Variants in ANO1 observed in about 807,000 individuals in gnomAD.
ANO1 encodes anoctamin-1.
A neutral mutation model predicts 124.0 loss-of-function variants in ANO1; 59 were observed. That is an observed-to-expected ratio of 0.48 (90% CI 0.39 to 0.59). The LOEUF (loss-of-function observed/expected upper bound fraction) is 0.59, where lower values mean the gene tolerates loss of function less well. Among genes scored for constraint, ANO1 ranks in the 20% least tolerant of loss-of-function variants. ANO1 has a pLI of 0.00. For missense variants in ANO1, 1,059 were observed against 1,328.0 expected (o/e 0.80, Z 3.15); for synonymous variants, 529 against 532.0 (o/e 0.99, Z 0.08).
At chr11:70,075,925 G>C (rs1421143226), upstream of ANO1, among the ~76,000 whole-genome samples, 1 of 152,182 alleles carries the variant, frequency 6.6e-6, no homozygotes, top group African/African-American at 2.4e-5. Flanking sequence ...TCCTATTTTG[G>C]GGGGCTATTG....
At chr11:70,130,318 T>C (rs2509172) in intron 10 of ANO1, among the ~76,000 whole-genome samples, 62,575 of 152,094 alleles carry the variant, frequency 0.41, 13,771 homozygotes, top group East Asian at 0.57. Context: ...ACGGAGGGTA[T>C]GAGTAGTCAG....
At chr11:70,159,240 G>T (rs1295735718) in intron 16 of ANO1, among the ~76,000 whole-genome samples, 1 of 152,166 alleles carries the variant, frequency 6.6e-6, no homozygotes, top group Non-Finnish European at 1.5e-5. Context: ...GGGGAAGGGT[G>T]GGGGAAGAGA....
upstream of ANO1, among the ~76,000 whole-genome samples, chr11:69,982,056 C>G (rs564814105): frequency 6.6e-6 from 1 of 152,238 alleles, no homozygotes; most frequent in African/African-American, 2.4e-5. Flanking sequence ...TGACTGCTAG[C>G]GGGTTCGAGC....
At chr11:70,148,029 T>A (rs1211519014) in intron 11 of ANO1, among the ~76,000 whole-genome samples, 1 of 152,148 alleles carries the variant, frequency 6.6e-6, no homozygotes, top group Non-Finnish European at 1.5e-5. Context: ...AACCCGTGCA[T>A]CCTTGGAAGC....
chr11:70,185,381 A>G (rs796570019), intron 24 of ANO1, among the ~76,000 whole-genome samples: 6 of 152,244 alleles, frequency 3.9e-5, no homozygotes, highest in African/African-American at 1.4e-4. Flanking sequence ...TGCCTGGCCC[A>G]TGGGGGATCC....
intron 1 of ANO1, among the ~76,000 whole-genome samples, chr11:70,005,088 G>A (rs1856461821): frequency 6.9e-6 from 1 of 145,044 alleles, no homozygotes; most frequent in African/African-American, 2.6e-5. Flanking sequence ...ACTCCAGCCT[G>A]GGTGACAGAG....
At chr11:70,102,357 T>G (rs2045311367) in intron 2 of ANO1, among the ~76,000 whole-genome samples, 1 of 152,170 alleles carries the variant, frequency 6.6e-6, no homozygotes, top group Non-Finnish European at 1.5e-5. Context: ...TGGTGCCGCA[T>G]CCTCGCCAGC....
chr11:70,151,945 A>C (rs2135643097), intron 12 of ANO1, among the ~76,000 whole-genome samples: 1 of 152,318 alleles, frequency 6.6e-6, no homozygotes, highest in African/African-American at 2.4e-5. Context: ...CACAGTCCAC[A>C]GTCACCCTCA....
chr11:70,003,054 A>G (rs1554999600), intron 1 of ANO1, among the ~76,000 whole-genome samples: 1 of 152,228 alleles, frequency 6.6e-6, no homozygotes, highest in African/African-American at 2.4e-5. Context: ...ACAACACCGT[A>G]AACAAAATAG....
intron 1 of ANO1, among the ~76,000 whole-genome samples, chr11:70,007,947 G>A (rs76592720): frequency 1.4e-3 from 218 of 152,216 alleles, no homozygotes; most frequent in African/African-American, 4.9e-3. Flanking sequence ...TTTAATAGCG[G>A]CCATCCCAGT....
chr11:70,055,862 C>T (rs1277934254), intron 1 of ANO1, among the ~76,000 whole-genome samples: 1 of 151,998 alleles, frequency 6.6e-6, no homozygotes. Flanking sequence ...ACTAGAATTG[C>T]CACATGCATC....
At chr11:70,115,709 G>A (rs1038399757) in intron 7 of ANO1, among the ~76,000 whole-genome samples, 1 of 152,174 alleles carries the variant, frequency 6.6e-6, no homozygotes, top group Admixed American at 6.5e-5. Flanking sequence ...CTCCCTTGCT[G>A]CTCCTCCCCA....
At chr11:70,105,628 C>A in intron 4 of ANO1, 106 bp from the exon 5 acceptor site, 1 of 1,064,234 alleles carries the variant, frequency 9.4e-7, no homozygotes, top group South Asian at 1.3e-5. Context: ...CTGTCCATTT[C>A]ACGGTCACGG....
chr11:70,085,683 C>T (rs2044346269), intron 1 of ANO1: 1 of 1,466,134 alleles, frequency 6.8e-7, no homozygotes, highest in African/African-American at 1.4e-5. Flanking sequence ...GGGGCAGCCC[C>T]CAACCAGCAG....
chr11:70,170,857 G>T (rs1217927231), intron 21 of ANO1, 30 bp from the exon 22 acceptor site: 4 of 1,608,074 alleles, frequency 2.5e-6, no homozygotes, highest in South Asian at 2.2e-5. Flanking sequence ...GGCTCACGGG[G>T]TGCTGACTAG....
At chr11:70,114,218 G>A (rs1347596961) in intron 7 of ANO1, among the ~76,000 whole-genome samples, 10 of 152,202 alleles carry the variant, frequency 6.6e-5, no homozygotes, top group African/African-American at 2.4e-4. Context: ...CAGACCACTT[G>A]CCCAGGGGCG....
intron 21 of ANO1, 52 bp from the exon 22 acceptor site, chr11:70,170,835 C>A: frequency 6.4e-7 from 1 of 1,570,868 alleles, no homozygotes; most frequent in Non-Finnish European, 8.7e-7. Context: ...GGAGTCCCCC[C>A]TTATGGGCTG....
intron 1 of ANO1, among the ~76,000 whole-genome samples, chr11:69,994,733 A>G (rs992174870): frequency 6.6e-6 from 1 of 152,126 alleles, no homozygotes; most frequent in Non-Finnish European, 1.5e-5. Context: ...ATCAGCTTGC[A>G]TGTTACATTT....
At chr11:70,087,639 G>T in intron 1 of ANO1, 113 bp from the exon 2 acceptor site, 1 of 1,069,722 alleles carries the variant, frequency 9.3e-7, no homozygotes, top group East Asian at 2.7e-5. Flanking sequence ...CGCTCAGGGA[G>T]TGTTTGTTGA....
Sources: allele counts gnomAD v4.1 joint callset (sites outside exome capture counted in the v4.1 genomes callset), GRCh38; gene constraint gnomAD v4.1.1; transcripts MANE v1.5; gene names NCBI Gene and HGNC (gene_info 2026-07-23, HGNC 2026-07-21).